Variants in FHIT observed in about 807,000 individuals in gnomAD.
The protein encoded by FHIT is bis(5'-adenosyl)-triphosphatase.
Under a neutral mutation model 17.9 loss-of-function variants are expected in FHIT, and 19 were observed. The ratio of observed to expected loss-of-function variants is 1.06; its 90% CI spans 0.74 to 1.56. FHIT has a LOEUF of 1.56. Ranked by LOEUF, FHIT falls within the 40% of genes most tolerant of loss-of-function variation. The pLI, the probability that FHIT is intolerant of heterozygous loss-of-function variation, is 0.00. For missense variants in FHIT, 248 were observed against 189.2 expected (o/e 1.31, Z -1.82); for synonymous variants, 81 against 69.7 (o/e 1.16, Z -0.81).
chr3:60,576,583 A>G (rs1232123992), intron 4 of FHIT, among the ~76,000 whole-genome samples: 2 of 152,160 alleles, frequency 1.3e-5, no homozygotes, highest in African/African-American at 4.8e-5. Context: ...GGTGAAACAC[A>G]ATTCCATGAC....
chr3:59,768,513 C>T (rs987488094), intron 8 of FHIT, among the ~76,000 whole-genome samples: 4 of 152,200 alleles, frequency 2.6e-5, no homozygotes, highest in Admixed American at 2.0e-4. Context: ...GGTTCCATTT[C>T]AGGACACTTA....
chr3:60,558,165 A>T (rs984431060), intron 4 of FHIT, among the ~76,000 whole-genome samples: 1 of 151,882 alleles, frequency 6.6e-6, no homozygotes, highest in Non-Finnish European at 1.5e-5. Context: ...CAGCTCATGG[A>T]AGCGGGGCTC....
chr3:60,508,611 G>A (rs746219376), intron 5 of FHIT, among the ~76,000 whole-genome samples: 2 of 152,018 alleles, frequency 1.3e-5, no homozygotes, highest in Non-Finnish European at 2.9e-5. Context: ...TTTGGAAAAG[G>A]TGAAAACAAA....
chr3:60,666,948 G>A (rs369066033), intron 4 of FHIT, among the ~76,000 whole-genome samples: 2 of 139,708 alleles, frequency 1.4e-5, no homozygotes, highest in East Asian at 4.2e-4. Context: ...TCTGCCTCCT[G>A]GGCTCAACCA....
chr3:60,642,955 A>T (rs2039763224), intron 4 of FHIT, among the ~76,000 whole-genome samples: 1 of 152,190 alleles, frequency 6.6e-6, no homozygotes, highest in South Asian at 2.1e-4. Context: ...CTGTCATAGC[A>T]TCTGGAACTT....
At chr3:60,283,246 C>T (rs951041250) in intron 5 of FHIT, among the ~76,000 whole-genome samples, 3 of 151,282 alleles carry the variant, frequency 2.0e-5, no homozygotes, top group Non-Finnish European at 4.4e-5. Context: ...CACACACATA[C>T]ACACACACAT....
chr3:61,175,285 G>T (rs1266105874), intron 2 of FHIT, among the ~76,000 whole-genome samples: 2 of 152,010 alleles, frequency 1.3e-5, no homozygotes, highest in East Asian at 3.9e-4. Flanking sequence ...TACCAGATAG[G>T]TAAAATATAC....
chr3:60,928,757 T>C (rs1295082519), intron 3 of FHIT, among the ~76,000 whole-genome samples: 1 of 152,114 alleles, frequency 6.6e-6, no homozygotes, highest in Non-Finnish European at 1.5e-5. Flanking sequence ...CAGGACCAGA[T>C]GGATTCACAG....
At chr3:59,877,516 G>A (rs1389907986) in intron 8 of FHIT, among the ~76,000 whole-genome samples, 2 of 152,176 alleles carry the variant, frequency 1.3e-5, no homozygotes, top group African/African-American at 4.8e-5. Flanking sequence ...AGTGACAGGA[G>A]GGACAGGCTT....
intron 2 of FHIT, among the ~76,000 whole-genome samples, chr3:61,142,438 ACT>A (rs2037112205): frequency 2.8e-5 from 4 of 145,060 alleles, no homozygotes; most frequent in Admixed American, 6.9e-5. Flanking sequence ...TTTGAATGTG[ACT>A]CTAATCACTG....
At chr3:60,110,751 G>A (rs889791924) in intron 5 of FHIT, among the ~76,000 whole-genome samples, 1 of 152,176 alleles carries the variant, frequency 6.6e-6, no homozygotes, top group Non-Finnish European at 1.5e-5. Flanking sequence ...TTACCATTAA[G>A]GTTGAGACCT....
chr3:60,332,332 G>A (rs1710018548), intron 5 of FHIT, among the ~76,000 whole-genome samples: 1 of 152,168 alleles, frequency 6.6e-6, no homozygotes, highest in African/African-American at 2.4e-5. Flanking sequence ...CAAGATGACT[G>A]AGCCTCTGGC....
chr3:60,318,329 T>C (rs1435342543), intron 5 of FHIT, among the ~76,000 whole-genome samples: 1 of 152,182 alleles, frequency 6.6e-6, no homozygotes, highest in Non-Finnish European at 1.5e-5. Flanking sequence ...ATTTTATTTA[T>C]CTTATTGTGA....
chr3:60,493,756 G>A (rs1407886249), intron 5 of FHIT, among the ~76,000 whole-genome samples: 1 of 152,060 alleles, frequency 6.6e-6, no homozygotes, highest in Non-Finnish European at 1.5e-5. Flanking sequence ...CGAGAGATAC[G>A]ACTGTGTCTA....
intron 3 of FHIT, among the ~76,000 whole-genome samples, chr3:60,961,243 G>A (rs981786081): frequency 6.6e-6 from 1 of 152,144 alleles, no homozygotes; most frequent in Non-Finnish European, 1.5e-5. Flanking sequence ...TTTGAGAAGT[G>A]TCTGTTCATA....
chr3:60,767,000 G>T (rs9881274), intron 4 of FHIT, among the ~76,000 whole-genome samples: 86,292 of 152,038 alleles, frequency 0.57, 25,866 homozygotes, highest in African/African-American at 0.75. Flanking sequence ...ATCCTAATGC[G>T]AAATGATTAT....
chr3:60,256,938 T>C (rs1446554396), intron 5 of FHIT, among the ~76,000 whole-genome samples: 1 of 152,186 alleles, frequency 6.6e-6, no homozygotes, highest in Non-Finnish European at 1.5e-5. Context: ...TTCAAGGTAT[T>C]TTACAACTCT....
chr3:60,161,908 G>C (rs1240406974), intron 5 of FHIT, among the ~76,000 whole-genome samples: 4 of 152,076 alleles, frequency 2.6e-5, no homozygotes, highest in Admixed American at 2.6e-4. Context: ...CCCTTCAATG[G>C]GCACAAGTAG....
chr3:60,597,958 G>C (rs1290500409), intron 4 of FHIT, among the ~76,000 whole-genome samples: 1 of 152,120 alleles, frequency 6.6e-6, no homozygotes, highest in African/African-American at 2.4e-5. Flanking sequence ...CCAAATAAAA[G>C]AATGTTGACA....
Sources: gnomAD v4.1 joint callset for allele counts (sites outside exome capture counted in the v4.1 genomes callset) on GRCh38, gnomAD v4.1.1 for gene constraint, MANE v1.5 for transcripts, NCBI Gene and HGNC (gene_info 2026-07-23, HGNC 2026-07-21) for gene names.